DSC1: variants seen among roughly 807,000 people sequenced by gnomAD.
DSC1 encodes the protein desmocollin 1, also known as desmocollin-1.
DSC1 carries 79 observed loss-of-function variants against 98.8 expected under a neutral mutation model. That is an observed-to-expected ratio of 0.80 (90% CI 0.67 to 0.96). DSC1 has a LOEUF of 0.96. Among genes scored for constraint, DSC1 ranks in the 50% least tolerant of loss-of-function variants. The pLI is 0.00. For missense variants in DSC1, 1,115 were observed against 1,075.9 expected (o/e 1.04, Z -0.51); for synonymous variants, 405 against 372.1 (o/e 1.09, Z -1.02).
In DSC1 at chr18:31,154,824, C is replaced by T. The variant is rs759022148; in HGVS notation, c.577G>A (p.Asp193Asn). ...TCAATGCTCCTTGTACAAAAGATAT[C>T]CCCAGTGTCTTTCTCTATGTAAAAC... ...NLFYIEKDTG[D>N]IFCTRSIDRE... The change falls in exon 5 of 16, where the codon GAT (aspartate) becomes AAT (asparagine). Residue 193 changes from aspartate to asparagine, a missense_variant. Transcript: ENST00000257198. 133 of 1,613,818 alleles carry T rather than the reference C, an allele frequency of 8.2e-5. No homozygotes were observed. Among genetic ancestry groups the T allele is most frequent in the Non-Finnish European group, 1.1e-4 (132 of 1,179,908 alleles).
chr18:31,159,808 G>T (rs61248090), intron 1 of DSC1, among the ~76,000 whole-genome samples: 6,737 of 152,120 alleles, frequency 0.044, 478 homozygotes, highest in African/African-American at 0.15. Flanking sequence ...ACAAACCATT[G>T]ACTTTATATA....
At chr18:31,148,671 A>G (rs1988898918) in intron 5 of DSC1, 29 bp from the exon 6 acceptor site, 4 of 1,520,860 alleles carry the variant, frequency 2.6e-6, no homozygotes, top group Non-Finnish European at 3.6e-6. Flanking sequence ...CCATCAATGT[A>G]TTCTCAAACC....
chr18:31,147,073 A>C (rs1488005219), intron 6 of DSC1, among the ~76,000 whole-genome samples: 2 of 152,176 alleles, frequency 1.3e-5, no homozygotes, highest in African/African-American at 4.8e-5. Context: ...CAACATTTTA[A>C]AACAAAGTAG....
intron 6 of DSC1, among the ~76,000 whole-genome samples, chr18:31,148,088 A>G (rs551407407): frequency 1.2e-4 from 18 of 152,262 alleles, no homozygotes; most frequent in African/African-American, 3.6e-4. Flanking sequence ...TCCCTTTTAT[A>G]CTGAACAACA....
chr18:31,134,441 G>A (rs947886046), intron 12 of DSC1, 131 bp downstream of exon 12: 3 of 872,242 alleles, frequency 3.4e-6, no homozygotes, highest in Non-Finnish European at 5.1e-6. Context: ...TAAAGATTAG[G>A]TATTGTTGTT....
intron 3 of DSC1, among the ~76,000 whole-genome samples, chr18:31,156,956 C>T (rs934152697): frequency 6.6e-6 from 1 of 152,154 alleles, no homozygotes; most frequent in African/African-American, 2.4e-5. Flanking sequence ...TAAACAGTCT[C>T]TTCTCCTCTT....
rs200720961 is a variant in DSC1 at position 31,157,518 on chromosome 18, G to T, written c.204C>A (p.Ala68=). ...TTGAGCCATCTTCTAGAATTCTGAA[G>T]GCAGGGTCACTGGACCGGATTAGGC... ...SASLIRSSDP[A]FRILEDGSIY... is the part of the protein sequence containing the mutation. Residue 68 remains alanine, a synonymous_variant, in exon 3 of 16, where the codon GCC becomes GCA. Coordinates refer to ENST00000257198, the MANE Select transcript of DSC1 (RefSeq NM_024421.2). 1.1e-5 allele frequency: 18 copies of T among 1,614,100 alleles called. No homozygotes were observed. The highest frequency in any genetic ancestry group is 1.4e-5 in the Non-Finnish European group (17 of 1,180,044).
chr18:31,139,833 G>T lies in DSC1; in HGVS notation c.1578C>A (p.Asp526Glu). 6.2e-7 allele frequency: 1 copy of T among 1,612,050 alleles called. No individual in the cohort carries two copies. The highest frequency in any genetic ancestry group is 2.2e-5 in the East Asian group (1 of 44,832). ...TATCTAGTACTTTTAGAGTTCTCAA[G>T]TCGCCAGTGTGTTGATTAATTTCAA... ...NWFEINQHTG[D>E]LRTLKVLDRE... Residue 526 changes from aspartate to glutamate, a missense_variant, in exon 11 of 16, where the codon GAC (aspartate) becomes GAA (glutamate). By Grantham distance (45) the Asp-to-Glu change is conservative. Coordinates refer to ENST00000257198, the MANE Select transcript of DSC1 (RefSeq NM_024421.2).
chr18:31,152,705 T>C (rs1568003822), intron 5 of DSC1, among the ~76,000 whole-genome samples: 1 of 152,100 alleles, frequency 6.6e-6, no homozygotes, highest in Non-Finnish European at 1.5e-5. Context: ...AGGTTGTGAT[T>C]TGTTTGAGGC....
intron 11 of DSC1, among the ~76,000 whole-genome samples, chr18:31,137,861 T>C (rs1336163085): frequency 6.6e-6 from 1 of 152,004 alleles, no homozygotes; most frequent in Non-Finnish European, 1.5e-5. Context: ...AGCAGGGACA[T>C]CAGCCAGACT....
chr18:31,142,535 T>C (rs1411972611), intron 8 of DSC1, among the ~76,000 whole-genome samples: 2 of 152,194 alleles, frequency 1.3e-5, no homozygotes, highest in Admixed American at 1.3e-4. Flanking sequence ...AAATGTCTTA[T>C]GTTAATATAT....
Sources: gnomAD v4.1 joint callset for allele counts (sites outside exome capture counted in the v4.1 genomes callset) on GRCh38, gnomAD v4.1.1 for gene constraint, MANE v1.5 for transcripts, NCBI Gene and HGNC (gene_info 2026-07-23, HGNC 2026-07-21) for gene names.